Variants in ADAM12 observed in about 807,000 individuals in gnomAD.
ADAM12 encodes the protein disintegrin and metalloproteinase domain-containing protein 12.
In ADAM12, 70 loss-of-function variants were observed where a neutral mutation model predicts 106.4. The observed-to-expected ratio is 0.66, with a 90% CI of 0.54 to 0.80. The LOEUF is 0.80. Ranked by LOEUF, ADAM12 falls within the 30% of genes least tolerant of loss-of-function variation. The pLI is 0.00. For missense variants in ADAM12, 1,010 were observed against 1,171.9 expected, an observed-to-expected ratio of 0.86 and a Z score of 2.02; for synonymous variants, 420 against 433.5, an observed-to-expected ratio of 0.97 and a Z score of 0.39.
intron 3 of ADAM12, among the ~76,000 whole-genome samples, chr10:126,226,912 C>T (rs1486727135): frequency 1.3e-5 from 2 of 152,200 alleles, no homozygotes; most frequent in Non-Finnish European, 2.9e-5. Flanking sequence ...AACATATATA[C>T]TGGCCAAGTG....
intron 3 of ADAM12, among the ~76,000 whole-genome samples, chr10:126,179,695 C>T (rs1362904418): frequency 6.6e-6 from 1 of 152,112 alleles, no homozygotes; most frequent in Non-Finnish European, 1.5e-5. Context: ...GGGAAACCAA[C>T]ATGGGTTAGA....
chr10:126,041,832 T>C (rs1954178818), intron 18 of ADAM12: 23 of 1,204,960 alleles, frequency 1.9e-5, no homozygotes, highest in Non-Finnish European at 2.3e-5. Context: ...TCTTCCTCCT[T>C]GCTGCAGGGC....
At chr10:126,176,473 C>T (rs537045259) in intron 3 of ADAM12, among the ~76,000 whole-genome samples, 29 of 152,246 alleles carry the variant, frequency 1.9e-4, no homozygotes, top group Admixed American at 1.6e-3. Context: ...AGACACATTT[C>T]GAGGAGAGGA....
At chr10:126,357,979 C>A (rs930671360) in intron 1 of ADAM12, among the ~76,000 whole-genome samples, 2 of 152,162 alleles carry the variant, frequency 1.3e-5, no homozygotes, top group South Asian at 4.2e-4. Flanking sequence ...AGATTACTTC[C>A]AAATGCGTTA....
intron 3 of ADAM12, among the ~76,000 whole-genome samples, chr10:126,241,575 CTG>C (rs906263889): frequency 2.0e-5 from 3 of 152,146 alleles, no homozygotes; most frequent in Non-Finnish European, 4.4e-5. Flanking sequence ...GTTCAATTTT[CTG>C]TTTATAAGAC....
intron 4 of ADAM12, among the ~76,000 whole-genome samples, chr10:126,151,434 C>G (rs1956727301): frequency 6.6e-6 from 1 of 152,128 alleles, no homozygotes; most frequent in Non-Finnish European, 1.5e-5. Flanking sequence ...TAATGTTGAA[C>G]TATCCTTGCA....
intron 11 of ADAM12, among the ~76,000 whole-genome samples, chr10:126,086,704 T>TATATATATATATATATATAA (rs752355130): frequency 6.2e-5 from 4 of 64,200 alleles, no homozygotes; most frequent in East Asian, 1.0e-3. Flanking sequence ...TATATATATA[T>TATATATATATATATATATAA]ATAAAATAAA....
chr10:126,168,539 T>A (rs1379292706), intron 3 of ADAM12, among the ~76,000 whole-genome samples: 2 of 152,170 alleles, frequency 1.3e-5, no homozygotes, highest in African/African-American at 2.4e-5. Flanking sequence ...TCCGCTGGCT[T>A]CCATTCGTCT....
At chr10:126,351,252 C>A (rs1855346554) in intron 1 of ADAM12, among the ~76,000 whole-genome samples, 1 of 150,594 alleles carries the variant, frequency 6.6e-6, no homozygotes, top group Admixed American at 6.6e-5. Flanking sequence ...GGCTTTCCTG[C>A]AGCTGTCCGG....
At chr10:126,323,945 A>C (rs1432223731) in intron 2 of ADAM12, among the ~76,000 whole-genome samples, 2 of 152,170 alleles carry the variant, frequency 1.3e-5, no homozygotes, top group African/African-American at 4.8e-5. Context: ...CATGATATCC[A>C]ACAGAAAGAA....
intron 1 of ADAM12, among the ~76,000 whole-genome samples, chr10:126,377,836 A>G (rs1336510345): frequency 6.6e-6 from 1 of 152,224 alleles, no homozygotes; most frequent in Admixed American, 6.5e-5. Context: ...TTGGTTTTCC[A>G]GATGGGGGGA....
rs774184269 is a variant in ADAM12, at chr10:126,017,077, AAATT to A, written c.*198_*201del. ...CTGCACTGTAATCAACATTCTGCAT[AAATT>A]AATAATTTACAAGTACCTGAGCAAG... On this transcript the variant is annotated 3_prime_UTR_variant, in exon 23 of 23. Coordinates refer to ENST00000448723, the MANE Select transcript of ADAM12 (RefSeq NM_001288973.2). The A allele has an allele frequency of 9.3e-6, 5 of 540,096 alleles. No individual in the cohort carries two copies. The highest frequency in any genetic ancestry group is 6.5e-5 in the Admixed American group (2 of 30,916). 33.5% of individuals were successfully genotyped at this position (540,096 alleles called of 1,614,324 possible). A position where few individuals can be genotyped will look rare whatever the true frequency, so the allele number is the denominator to read the frequency against.
At chr10:126,106,619 G>T (rs889505880) in intron 8 of ADAM12, among the ~76,000 whole-genome samples, 1 of 151,732 alleles carries the variant, frequency 6.6e-6, no homozygotes, top group African/African-American at 2.4e-5. Context: ...CCGAGTAGCT[G>T]GGACTACAGG....
chr10:126,345,255 G>A (rs1265101626), intron 1 of ADAM12, among the ~76,000 whole-genome samples: 1 of 152,132 alleles, frequency 6.6e-6, no homozygotes, highest in Non-Finnish European at 1.5e-5. Flanking sequence ...TTTTGTCAAA[G>A]GCCTTTTCTG....
chr10:126,286,756 CTGTT>C (rs1461074533), intron 2 of ADAM12, among the ~76,000 whole-genome samples: 9 of 152,114 alleles, frequency 5.9e-5, no homozygotes, highest in Admixed American at 1.3e-4. Flanking sequence ...GGATTGGGGC[CTGTT>C]TGTTATTACA....
intron 2 of ADAM12, among the ~76,000 whole-genome samples, chr10:126,292,634 T>C (rs899729128): frequency 6.6e-6 from 1 of 152,196 alleles, no homozygotes; most frequent in Non-Finnish European, 1.5e-5. Flanking sequence ...ACATTTTCTG[T>C]AATGGAACAG....
chr10:126,124,785 G>T (rs1003826792), intron 5 of ADAM12, among the ~76,000 whole-genome samples: 1 of 150,586 alleles, frequency 6.6e-6, no homozygotes, highest in Non-Finnish European at 1.5e-5. Flanking sequence ...CCATCTACTC[G>T]GGAGGCTGAG....
intron 2 of ADAM12, among the ~76,000 whole-genome samples, chr10:126,328,594 A>G (rs1854389066): frequency 6.6e-6 from 1 of 152,200 alleles, no homozygotes; most frequent in South Asian, 2.1e-4. Context: ...CCCACCAAAT[A>G]TGAGTACATA....
At chr10:126,326,752 T>C (rs1274529244) in intron 2 of ADAM12, among the ~76,000 whole-genome samples, 1 of 152,158 alleles carries the variant, frequency 6.6e-6, no homozygotes, top group Non-Finnish European at 1.5e-5. Context: ...CTCACCTCTC[T>C]ACACGCTCCC....
Sources: gnomAD v4.1 joint callset for allele counts (sites outside exome capture counted in the v4.1 genomes callset) on GRCh38, gnomAD v4.1.1 for gene constraint, MANE v1.5 for transcripts, NCBI Gene and HGNC (gene_info 2026-07-23, HGNC 2026-07-21) for gene names.